The following CAPN8 variants were observed in gnomAD, a reference collection of about 807,000 sequenced individuals.
CAPN8 encodes the protein calpain 8.
Under a neutral mutation model 80.9 loss-of-function variants are expected in CAPN8, and 87 were observed. The ratio of observed to expected loss-of-function variants is 1.07; its 90% CI spans 0.90 to 1.28. The LOEUF (loss-of-function observed/expected upper bound fraction) is 1.28. Among genes scored for constraint, CAPN8 ranks in the 50% most tolerant of loss-of-function variants. The probability of loss-of-function intolerance (pLI) is 0.00; values close to 1 mark genes in which losing one functional copy is unlikely to be tolerated. For missense variants in CAPN8, 757 were observed against 702.0 expected (o/e 1.08, Z -0.89); for synonymous variants, 299 against 273.8 (o/e 1.09, Z -0.91).
chr1:223,637,906 CTG>C (rs1657945790), intron 2 of CAPN8, among the ~76,000 whole-genome samples: 1 of 152,172 alleles, frequency 6.6e-6, no homozygotes, highest in Non-Finnish European at 1.5e-5. Flanking sequence ...GTTTTCTAAT[CTG>C]TAAAATGAGT....
intron 2 of CAPN8, among the ~76,000 whole-genome samples, chr1:223,647,408 T>C (rs1042403474): frequency 2.6e-5 from 4 of 152,230 alleles, no homozygotes; most frequent in African/African-American, 4.8e-5. Flanking sequence ...AATGCATAAA[T>C]GATTTTTCCT....
intron 2 of CAPN8, among the ~76,000 whole-genome samples, chr1:223,648,696 G>T (rs1233516709): frequency 6.6e-6 from 1 of 152,142 alleles, no homozygotes; most frequent in East Asian, 1.9e-4. Flanking sequence ...ATATGAAAAG[G>T]TCCAGTCATT....
At chr1:223,629,232 T>TGTGTGTGTGTGTATG (rs68132305) in intron 2 of CAPN8, among the ~76,000 whole-genome samples, 217 of 132,622 alleles carry the variant, frequency 1.6e-3, no homozygotes, top group Non-Finnish European at 2.3e-3. Flanking sequence ...GTGTGTGTGT[T>TGTGTGTGTGTGTATG]TATGTTCCTT....
At position 223,545,307 on chromosome 1, in the gene CAPN8, C is replaced by A. The variant is rs566314619; in HGVS notation, c.1765-8G>T. 24 of 1,551,540 alleles carry A rather than the reference C, an allele frequency of 1.5e-5. No homozygotes were observed. The African/African-American group carries it at 2.5e-4, about 16-fold the overall frequency. On this transcript the variant is annotated splice_polypyrimidine_tract_variant and splice_region_variant and intron_variant, in intron 16 of 20. Transcript: ENST00000366872. ...AGTGCCCGTTCCATTGCTCTAGGCA[C>A]ATTAAAGACCAACATGATTGAGTCC... is the stretch of plus-strand genomic sequence containing the variant.
chr1:223,624,376 T>A (rs954303320), intron 6 of CAPN8, among the ~76,000 whole-genome samples: 2 of 152,226 alleles, frequency 1.3e-5, no homozygotes, highest in African/African-American at 4.8e-5. Context: ...TGTATTTTAC[T>A]TAGTTGTGTG....
intron 20 of CAPN8, among the ~76,000 whole-genome samples, chr1:223,542,734 A>G (rs771238646): frequency 9.5e-4 from 144 of 152,212 alleles, no homozygotes; most frequent in Non-Finnish European, 1.7e-3. Context: ...TCTTCATTCT[A>G]CCCACTGCAA....
intron 10 of CAPN8, among the ~76,000 whole-genome samples, chr1:223,614,348 C>T (rs1185838022): frequency 1.3e-5 from 2 of 150,538 alleles, no homozygotes; most frequent in Non-Finnish European, 1.5e-5. Context: ...TGCAGTGAGC[C>T]GAGTTCACAG....
At position 223,619,010 on chromosome 1, in the gene CAPN8, T is replaced by G. The variant is rs187003220; in HGVS notation, c.1135+283A>C. ...CTCGAGACCAGCCTGGGCAACATGGTGAGACCCTGTCTCTACAAAAACATT... is the reference window on the plus strand; with the variant it reads ...CTCGAGACCAGCCTGGGCAACATGGGGAGACCCTGTCTCTACAAAAACATT... On this transcript the variant is annotated intron_variant, in intron 9 of 20. Coordinates refer to ENST00000366872, the MANE Select transcript of CAPN8 (RefSeq NM_001143962.2). Among the ~76,000 whole-genome samples the G allele has an allele frequency of 2.2e-4, 34 of 152,248 alleles. No individual in the cohort carries two copies. The Middle Eastern group carries it at 0.01, about 46-fold the overall frequency.
chr1:223,545,401 C>A (rs1397840949), intron 16 of CAPN8, 102 bp from the exon 17 acceptor site: 6 of 1,515,048 alleles, frequency 4.0e-6, no homozygotes, highest in South Asian at 1.2e-5. Flanking sequence ...CCTTAGTGAA[C>A]CTTCCATGTC....
In CAPN8 at chr1:223,553,707, G is replaced by A. The variant is rs1445549200; in HGVS notation, c.1641+125C>T. The A allele has an allele frequency of 1.0e-5, 4 of 397,390 alleles. No homozygotes were observed. The East Asian group carries it at 1.1e-4, about 11-fold the overall frequency. 24.6% of individuals were successfully genotyped at this position (397,390 alleles called of 1,614,324 possible). A position where few individuals can be genotyped will look rare whatever the true frequency, so the allele number is the denominator to read the frequency against. On this transcript the variant is annotated intron_variant, in intron 14 of 20. Transcript: ENST00000366872. The stretch of plus-strand genomic sequence containing the variant: ...ATGGTGATGGGCACAGAAGCTGGGG[G>A]CCCCTGAGACCTGAGTCTCACCCTT...
At chr1:223,644,189 A>G in intron 2 of CAPN8, 2 of 373,828 alleles carry the variant, frequency 5.4e-6, no homozygotes, top group South Asian at 5.0e-5. Flanking sequence ...TCTGTTTTAG[A>G]ATAAATCTCT....
chr1:223,621,398 T>C (rs1364384494), intron 7 of CAPN8, among the ~76,000 whole-genome samples: 1 of 152,054 alleles, frequency 6.6e-6, no homozygotes, highest in Non-Finnish European at 1.5e-5. Context: ...GACTTGACAG[T>C]CACCACCTCC....
chr1:223,622,646 C>G, intron 7 of CAPN8, 169 bp downstream of exon 7: 8 of 607,680 alleles, frequency 1.3e-5, no homozygotes, highest in Non-Finnish European at 8.7e-6. Flanking sequence ...TTTTATTTTG[C>G]TTTTCCCAGC....
At chr1:223,544,553 G>A (rs1297809376) in intron 18 of CAPN8, among the ~76,000 whole-genome samples, 1 of 152,200 alleles carries the variant, frequency 6.6e-6, no homozygotes, top group Non-Finnish European at 1.5e-5. Flanking sequence ...GTAACAGGCA[G>A]AGATCTTGGA....
intron 6 of CAPN8, among the ~76,000 whole-genome samples, chr1:223,625,395 G>A (rs989032437): frequency 6.6e-6 from 1 of 152,216 alleles, no homozygotes; most frequent in African/African-American, 2.4e-5. Flanking sequence ...GAGAGGTTAC[G>A]TTGTCCATCT....
At chr1:223,654,478 C>T (rs1658425442) in intron 1 of CAPN8, 79 bp from the exon 2 acceptor site, 4 of 1,308,416 alleles carry the variant, frequency 3.1e-6, no homozygotes, top group South Asian at 1.3e-5. Context: ...ACATCAGAGT[C>T]CCAGGTTGCA....
At chr1:223,621,473 G>A (rs533315906) in intron 7 of CAPN8, among the ~76,000 whole-genome samples, 235 of 152,222 alleles carry the variant, frequency 1.5e-3, no homozygotes, top group African/African-American at 5.2e-3. Context: ...TGGACAGCTC[G>A]GTAGTGACTT....
chr1:223,660,601 C>T (rs1459372459), intron 1 of CAPN8, among the ~76,000 whole-genome samples: 1 of 152,216 alleles, frequency 6.6e-6, no homozygotes, highest in East Asian at 1.9e-4. Flanking sequence ...CAGAAACGCC[C>T]AGCAGGGGCA....
Position 223,619,171 on chromosome 1 carries a change from G to A in CAPN8, c.1135+122C>T. 3 of 1,187,512 alleles carry A rather than the reference G, an allele frequency of 2.5e-6. No individual in the cohort carries two copies. In the South Asian group the frequency reaches 4.7e-5, roughly 19 times the overall value. The allele number at this position is 1,187,512 out of a possible 1,614,324, so 73.6% of individuals were successfully genotyped here. On this transcript the variant is annotated intron_variant, in intron 9 of 20. Coordinates refer to ENST00000366872, the MANE Select transcript of CAPN8 (RefSeq NM_001143962.2). The stretch of plus-strand genomic sequence containing the variant: ...ATCGTGCCACTACACTCCAACCTGG[G>A]GAACAGAGCAAGGCCCTGTCTCAAA...
Sources: allele counts gnomAD v4.1 joint callset (sites outside exome capture counted in the v4.1 genomes callset), GRCh38; gene constraint gnomAD v4.1.1; transcripts MANE v1.5; gene names NCBI Gene and HGNC (gene_info 2026-07-23, HGNC 2026-07-21).